CNTNAP2: variants seen among roughly 807,000 people sequenced by gnomAD.
CNTNAP2 encodes the protein contactin associated protein 2.
Under a neutral mutation model 155.2 loss-of-function variants are expected in CNTNAP2, and 98 were observed. That is an observed-to-expected ratio of 0.63 (90% CI 0.54 to 0.75). The LOEUF (loss-of-function observed/expected upper bound fraction) is 0.75. CNTNAP2 is among the 30% of genes least tolerant of loss of function. The probability of loss-of-function intolerance (pLI) is 0.00; values close to 1 mark genes in which losing one functional copy is unlikely to be tolerated. For missense variants in CNTNAP2, 1,727 were observed against 1,688.1 expected (o/e 1.02, Z -0.40); for synonymous variants, 651 against 631.2 (o/e 1.03, Z -0.47).
chr7:146,901,585 C>T (rs545317553), intron 3 of CNTNAP2, among the ~76,000 whole-genome samples: 7 of 152,120 alleles, frequency 4.6e-5, no homozygotes, highest in Admixed American at 4.6e-4. Context: ...TCTAAAATTT[C>T]ATCTCTGTTC....
chr7:146,561,851 G>A (rs761429840), intron 1 of CNTNAP2, among the ~76,000 whole-genome samples: 1 of 152,054 alleles, frequency 6.6e-6, no homozygotes, highest in Non-Finnish European at 1.5e-5. Context: ...ATACAGTGAT[G>A]CAATCATGGC....
rs191211777 is a variant in CNTNAP2 at position 146,579,987 on chromosome 7, A to G, written c.98-194284A>G. Among the ~76,000 whole-genome samples, 65 of 151,766 alleles carry G rather than the reference A, an allele frequency of 4.3e-4. 1 individual carries two copies. The highest frequency in any genetic ancestry group is 8.1e-4 in the Non-Finnish European group (55 of 67,858). On this transcript the variant is annotated intron_variant, in intron 1 of 23. Transcript: ENST00000361727. Reference sequence around the variant, plus strand: ...TGATTCTACAATTTTAGATCCAACCAAGGCAGCAAGCTCAAAATTCACCCC... The same window carrying G: ...TGATTCTACAATTTTAGATCCAACCGAGGCAGCAAGCTCAAAATTCACCCC...
At chr7:146,330,645 A>G (rs1801169940) in intron 1 of CNTNAP2, among the ~76,000 whole-genome samples, 1 of 152,222 alleles carries the variant, frequency 6.6e-6, no homozygotes, top group South Asian at 2.1e-4. Flanking sequence ...ATATCTGGTT[A>G]TTAAACTTTT....
chr7:146,870,947 C>A (rs527662362), intron 3 of CNTNAP2, among the ~76,000 whole-genome samples: 156 of 152,050 alleles, frequency 1.0e-3, no homozygotes, highest in Non-Finnish European at 8.8e-4. Context: ...ATTGTTTATT[C>A]AGTGGAAGGA....
chr7:146,383,074 C>A (rs1795413363), intron 1 of CNTNAP2, among the ~76,000 whole-genome samples: 1 of 152,062 alleles, frequency 6.6e-6, no homozygotes, highest in South Asian at 2.1e-4. Flanking sequence ...TCATTGAACT[C>A]ATTGATTAAT....
chr7:147,059,458 A>C (rs1380848460), intron 4 of CNTNAP2, among the ~76,000 whole-genome samples: 2 of 151,388 alleles, frequency 1.3e-5, no homozygotes, highest in African/African-American at 4.9e-5. Context: ...TTTTGCAAAT[A>C]AAAAGATACT....
At chr7:148,012,618 A>C (rs1258572768) in intron 15 of CNTNAP2, among the ~76,000 whole-genome samples, 1 of 152,240 alleles carries the variant, frequency 6.6e-6, no homozygotes, top group African/African-American at 2.4e-5. Context: ...TTCTGAATAA[A>C]AACAAAATGA....
chr7:147,095,875 C>T (rs575236677), intron 4 of CNTNAP2, among the ~76,000 whole-genome samples: 24 of 152,154 alleles, frequency 1.6e-4, no homozygotes, highest in African/African-American at 5.8e-4. Flanking sequence ...TGAAGCCCAC[C>T]CTTCCCTTTA....
intron 1 of CNTNAP2, among the ~76,000 whole-genome samples, chr7:146,371,990 A>G (rs1175316028): frequency 6.6e-6 from 1 of 151,966 alleles, no homozygotes; most frequent in African/African-American, 2.4e-5. Flanking sequence ...TGCATATATA[A>G]ATTTTTAAAA....
At chr7:148,074,784 G>C (rs1803452889) in intron 15 of CNTNAP2, among the ~76,000 whole-genome samples, 2 of 151,962 alleles carry the variant, frequency 1.3e-5, no homozygotes. Context: ...CAAAGTGTGA[G>C]ACACCTACTC....
Position 147,094,083 on chromosome 7 carries a change from G to A in CNTNAP2, c.551-14064G>A, listed in dbSNP as rs565363299. Among the ~76,000 whole-genome samples the A allele has an allele frequency of 1.1e-4, 16 of 152,164 alleles. No individual in the cohort carries two copies. The South Asian group carries it at 3.1e-3, about 30-fold the overall frequency. ...GGTGGCTTCTACCGGTTTTGATGGC[G>A]GCAAAACTTGGGGCAGCCGCAACCC... On this transcript the variant is annotated intron_variant, in intron 4 of 23. Transcript: ENST00000361727.
intron 1 of CNTNAP2, among the ~76,000 whole-genome samples, chr7:146,548,741 T>G (rs1352473011): frequency 6.6e-6 from 1 of 151,770 alleles, no homozygotes; most frequent in Non-Finnish European, 1.5e-5. Context: ...TCTTATATAT[T>G]TTGGAAATTA....
At chr7:146,151,708 A>ATATATATATGTATATG (rs1562969150) in intron 1 of CNTNAP2, among the ~76,000 whole-genome samples, 5 of 62,232 alleles carry the variant, frequency 8.0e-5, no homozygotes, top group Non-Finnish European at 1.5e-4. Context: ...GTATATATAT[A>ATATATATATGTATATG]TATATGTATA....
chr7:148,396,177 G>A (rs944150930), intron 22 of CNTNAP2, among the ~76,000 whole-genome samples: 1 of 152,248 alleles, frequency 6.6e-6, no homozygotes, highest in Admixed American at 6.5e-5. Context: ...CAGAACCACT[G>A]ACTCCAGCAA....
At chr7:146,136,730 G>A (rs895466976) in intron 1 of CNTNAP2, among the ~76,000 whole-genome samples, 5 of 152,068 alleles carry the variant, frequency 3.3e-5, no homozygotes, top group Admixed American at 1.3e-4. Flanking sequence ...CTGTAAACGC[G>A]GAAGCAGGTG....
At chr7:147,234,818 G>C (rs932986404) in intron 8 of CNTNAP2, among the ~76,000 whole-genome samples, 1 of 152,110 alleles carries the variant, frequency 6.6e-6, no homozygotes, top group Non-Finnish European at 1.5e-5. Flanking sequence ...TTCTCTCATG[G>C]TTAGTTTCAA....
At chr7:146,457,132 T>C (rs1029485587) in intron 1 of CNTNAP2, among the ~76,000 whole-genome samples, 2 of 152,090 alleles carry the variant, frequency 1.3e-5, no homozygotes, top group African/African-American at 4.8e-5. Flanking sequence ...GAATCATCAT[T>C]TGTCATTTGC....
intron 12 of CNTNAP2, among the ~76,000 whole-genome samples, chr7:147,599,162 G>A (rs1800890439): frequency 6.6e-6 from 1 of 152,146 alleles, no homozygotes; most frequent in South Asian, 2.1e-4. Context: ...TCCATGGTGT[G>A]TAAAGTTGAG....
intron 13 of CNTNAP2, among the ~76,000 whole-genome samples, chr7:147,901,853 G>A (rs1027078230): frequency 6.6e-6 from 1 of 152,324 alleles, no homozygotes; most frequent in Admixed American, 6.5e-5. Context: ...GATGTTTGAT[G>A]ATTGGATGAA....
Sources: gnomAD v4.1 joint callset for allele counts (sites outside exome capture counted in the v4.1 genomes callset) on GRCh38, gnomAD v4.1.1 for gene constraint, MANE v1.5 for transcripts, NCBI Gene and HGNC (gene_info 2026-07-23, HGNC 2026-07-21) for gene names.